Variants in CLRN2 observed in about 807,000 individuals in gnomAD.
The protein encoded by CLRN2 is clarin-2.
Under a neutral mutation model 20.1 loss-of-function variants are expected in CLRN2, and 17 were observed. The ratio of observed to expected loss-of-function variants is 0.85; its 90% CI spans 0.58 to 1.27. CLRN2 has a LOEUF of 1.27. CLRN2 is among the 50% of genes most tolerant of loss of function. The pLI, the probability that CLRN2 is intolerant of heterozygous loss-of-function variation, is 0.00. For synonymous variants in CLRN2, 140 were observed against 126.9 expected (o/e 1.10, Z -0.70); for missense variants, 288 against 299.5 (o/e 0.96, Z 0.28).
intron 1 of CLRN2, among the ~76,000 whole-genome samples, chr4:17,520,427 C>T (rs1220661956): frequency 6.6e-6 from 1 of 152,054 alleles, no homozygotes; most frequent in Admixed American, 6.6e-5. Flanking sequence ...TAATGAATAT[C>T]CAATATTTGA....
intron 2 of CLRN2, among the ~76,000 whole-genome samples, chr4:17,523,859 C>G (rs71603372): frequency 6.2e-4 from 93 of 149,876 alleles, no homozygotes; most frequent in South Asian, 1.3e-3. Context: ...GGCTCACTGG[C>G]TGTCTCAACT....
At position 17,522,999 on chromosome 4, in the gene CLRN2, C is replaced by T. The variant is rs779206009; in HGVS notation, c.389C>T (p.Ala130Val). Residue 130 changes from alanine to valine, a missense_variant, in exon 2 of 3, where the codon GCA (alanine) becomes GTA (valine). Coordinates refer to ENST00000511148, the MANE Select transcript of CLRN2 (RefSeq NM_001079827.2). Reference protein sequence around the residue: ...ILNMIQVPYRAVSGPGGICLW... With the variant: ...ILNMIQVPYRVVSGPGGICLW... Reference sequence around the variant, plus strand: ...AACATGATCCAGGTCCCGTACCGGGCAGTCAGCGGTCCTGGGGGCATCTGC... The same window carrying T: ...AACATGATCCAGGTCCCGTACCGGGTAGTCAGCGGTCCTGGGGGCATCTGC... 17 of 1,613,596 alleles carry T rather than the reference C, an allele frequency of 1.1e-5. No homozygotes were observed. Among genetic ancestry groups the T allele is most frequent in the Non-Finnish European group, 1.4e-5 (16 of 1,179,884 alleles).
In CLRN2 at chr4:17,522,964, T is replaced by C; in HGVS notation, c.354T>C (p.Phe118=). The C allele has an allele frequency of 6.2e-7, 1 of 1,614,028 alleles. No individual in the cohort carries two copies. The highest frequency in any genetic ancestry group is 8.5e-7 in the Non-Finnish European group (1 of 1,179,908). Residue 118 remains phenylalanine, a synonymous_variant, in exon 2 of 3, where the codon TTT becomes TTC. Coordinates refer to ENST00000511148, the MANE Select transcript of CLRN2 (RefSeq NM_001079827.2). ...ALALALVSMG[F]AILNMIQVPY... Reference sequence around the variant, plus strand: ...CCCTGGCTCTGGTCAGCATGGGCTTTGCCATTCTTAACATGATCCAGGTCC... The same window carrying C: ...CCCTGGCTCTGGTCAGCATGGGCTTCGCCATTCTTAACATGATCCAGGTCC...
intron 2 of CLRN2, among the ~76,000 whole-genome samples, chr4:17,524,790 C>G (rs564919792): frequency 1.3e-5 from 2 of 151,930 alleles, no homozygotes; most frequent in South Asian, 4.2e-4. Context: ...CCATGGTGTC[C>G]GGTGCCTGTA....
At chr4:17,522,319 A>G (rs1454922815) in intron 1 of CLRN2, among the ~76,000 whole-genome samples, 2 of 152,192 alleles carry the variant, frequency 1.3e-5, no homozygotes, top group Non-Finnish European at 2.9e-5. Flanking sequence ...CACAGCTGCC[A>G]TTTTTGAGAA....
chr4:17,515,330 A>C lies in CLRN2; in HGVS notation c.64A>C (p.Ile22Leu). The C allele has an allele frequency of 6.2e-7, 1 of 1,614,024 alleles. No homozygotes were observed. The highest frequency in any genetic ancestry group is 1.7e-5 in the Admixed American group (1 of 60,020). The change falls in exon 1 of 3, where the codon ATC (isoleucine) becomes CTC (leucine). Residue 22 changes from isoleucine (I) to leucine (L), a missense_variant. Coordinates refer to ENST00000511148, the MANE Select transcript of CLRN2 (RefSeq NM_001079827.2). ...LASLLSFSSF[I>L]LIIVALVVPH... ...GTCTTTACTCAGCTTCTCCTCCTTC[A>C]TCCTGATCATCGTTGCCCTGGTAGT...
chr4:17,522,073 A>G (rs1711848706), intron 1 of CLRN2, among the ~76,000 whole-genome samples: 1 of 152,234 alleles, frequency 6.6e-6, no homozygotes, highest in Non-Finnish European at 1.5e-5. Flanking sequence ...AAACACAAGC[A>G]ATTAATGTCT....
Position 17,522,966 on chromosome 4 carries a change from C to G in CLRN2, c.356C>G (p.Ala119Gly). The G allele has an allele frequency of 1.2e-6, 2 of 1,613,948 alleles. No individual in the cohort carries two copies. Among genetic ancestry groups the G allele is most frequent in the Non-Finnish European group, 1.7e-6 (2 of 1,179,884 alleles). ...CTGGCTCTGGTCAGCATGGGCTTTG[C>G]CATTCTTAACATGATCCAGGTCCCG... is the stretch of plus-strand genomic sequence containing the variant. ...LALALVSMGFAILNMIQVPYR... is the reference protein window; with the variant it reads ...LALALVSMGFGILNMIQVPYR... The change falls in exon 2 of 3, where the codon GCC (alanine) becomes GGC (glycine). Residue 119 changes from alanine (A) to glycine (G), a missense_variant. Physicochemically the swap from Ala to Gly is moderately conservative, Grantham distance 60. Coordinates refer to ENST00000511148, the MANE Select transcript of CLRN2 (RefSeq NM_001079827.2).
At chr4:17,523,237 C>T (rs1195269937) in intron 2 of CLRN2, among the ~76,000 whole-genome samples, 194 bp downstream of exon 2, 1 of 146,036 alleles carries the variant, frequency 6.8e-6, no homozygotes, top group East Asian at 2.0e-4. Context: ...TTCTTTGAGA[C>T]AGGGTCTCAC....
Position 17,515,289 on chromosome 4 carries a change from C to T in CLRN2, c.23C>T (p.Ala8Val), listed in dbSNP as rs776701676. The part of the protein sequence containing the change: MPGWFKK[A>V]WYGLASLLSF... ...AGCATGCCTGGATGGTTCAAAAAGGCGTGGTATGGGCTGGCGTCTTTACTC... is the reference window on the plus strand; with the variant it reads ...AGCATGCCTGGATGGTTCAAAAAGGTGTGGTATGGGCTGGCGTCTTTACTC... The change falls in exon 1 of 3, where the codon GCG becomes GTG. Residue 8 changes from alanine (A) to valine (V), a missense_variant. Physicochemically the swap from Ala to Val is moderately conservative, Grantham distance 64 (BLOSUM62 0). Coordinates refer to ENST00000511148, the MANE Select transcript of CLRN2 (RefSeq NM_001079827.2). 1.2e-5 allele frequency: 19 copies of T among 1,613,890 alleles called. No homozygotes were observed. The highest frequency in any genetic ancestry group is 4.5e-5 in the East Asian group (2 of 44,870).
intron 1 of CLRN2, among the ~76,000 whole-genome samples, chr4:17,521,326 G>A (rs1020326076): frequency 1.3e-5 from 2 of 152,188 alleles, no homozygotes; most frequent in Non-Finnish European, 2.9e-5. Context: ...GACACCTAAC[G>A]GGAAAAACAA....
intron 1 of CLRN2, 100 bp downstream of exon 1, chr4:17,515,619 C>A (rs28382333): frequency 4.4e-6 from 6 of 1,364,156 alleles, no homozygotes; most frequent in African/African-American, 4.3e-5. Context: ...GCTGCCTCAA[C>A]GTCAGGCATA....
At chr4:17,520,216 A>G (rs1272510765) in intron 1 of CLRN2, among the ~76,000 whole-genome samples, 4 of 152,068 alleles carry the variant, frequency 2.6e-5, no homozygotes, top group Non-Finnish European at 4.4e-5. Context: ...ATCACTCCAC[A>G]TTCCCCAAAT....
intron 2 of CLRN2, among the ~76,000 whole-genome samples, chr4:17,525,094 A>G (rs1181220502): frequency 6.6e-6 from 1 of 152,232 alleles, no homozygotes; most frequent in African/African-American, 2.4e-5. Context: ...AAACAATTCC[A>G]TGTTTGAATT....
intron 2 of CLRN2, among the ~76,000 whole-genome samples, chr4:17,525,159 C>T (rs1711943790): frequency 6.6e-6 from 1 of 152,106 alleles, no homozygotes; most frequent in Admixed American, 6.5e-5. Context: ...ATGGTATTTG[C>T]TGTAGCACTT....
At chr4:17,517,261 G>T (rs1711701495) in intron 1 of CLRN2, among the ~76,000 whole-genome samples, 1 of 152,298 alleles carries the variant, frequency 6.6e-6, no homozygotes, top group South Asian at 2.1e-4. Context: ...GGTAGGTCTG[G>T]ATGTAGGCAG....
At chr4:17,520,771 G>A (rs569345755) in intron 1 of CLRN2, among the ~76,000 whole-genome samples, 13 of 152,150 alleles carry the variant, frequency 8.5e-5, no homozygotes, top group South Asian at 2.1e-4. Flanking sequence ...GGTGGCTCAT[G>A]CCTGTAATCC....
At chr4:17,524,051 G>A (rs542326131) in intron 2 of CLRN2, among the ~76,000 whole-genome samples, 1 of 152,100 alleles carries the variant, frequency 6.6e-6, no homozygotes, top group Non-Finnish European at 1.5e-5. Flanking sequence ...TGAAGAGCCT[G>A]AGGCTCAGAG....
At chr4:17,522,732 G>A (rs1424212067) in intron 1 of CLRN2, 132 bp from the exon 2 acceptor site, 25 of 869,866 alleles carry the variant, frequency 2.9e-5, no homozygotes, top group Non-Finnish European at 4.1e-5. Context: ...GTCTCCCGCT[G>A]TTTGAAATCC....
Sources: allele counts gnomAD v4.1 joint callset (sites outside exome capture counted in the v4.1 genomes callset), GRCh38; gene constraint gnomAD v4.1.1; transcripts MANE v1.5; gene names NCBI Gene and HGNC (gene_info 2026-07-23, HGNC 2026-07-21).